The following TBC1D5 variants were observed in gnomAD, a reference collection of about 807,000 sequenced individuals.
TBC1D5 encodes TBC1 domain family, member 5.
TBC1D5 carries 75 observed loss-of-function variants against 100.3 expected under a neutral mutation model. The observed-to-expected ratio is 0.75, with a 90% CI of 0.62 to 0.91. The LOEUF is 0.91. Ranked by LOEUF, TBC1D5 falls within the 40% of genes least tolerant of loss-of-function variation. The probability of loss-of-function intolerance (pLI) is 0.00; values close to 1 mark genes in which losing one functional copy is unlikely to be tolerated. For synonymous variants in TBC1D5, 323 were observed against 325.6 expected, an observed-to-expected ratio of 0.99 and a Z score of 0.09; for missense variants, 910 against 942.4, an observed-to-expected ratio of 0.97 and a Z score of 0.45.
chr3:17,591,185 G>A lies in TBC1D5; in HGVS notation c.-36+32664C>T, dbSNP rs529010639. 4.7e-5 allele frequency among the ~76,000 whole-genome samples: 6 copies of A among 126,752 alleles called. 1 individual carries two copies. Among genetic ancestry groups the A allele is most frequent in the South Asian group, 5.5e-4 (2 of 3,664 alleles). The allele number at this position is 126,752 out of a possible 152,430, so 83.2% of individuals were successfully genotyped here. A position where few individuals can be genotyped will look rare whatever the true frequency, so the allele number is the denominator to read the frequency against. On this transcript the variant is annotated intron_variant, in intron 2 of 21. Coordinates refer to ENST00000253692, the Ensembl canonical transcript of TBC1D5. ...CAGGAGGCAGAGCTTGCAGTGAGCC[G>A]AGATTGCGCCACTGTACTCCAGACT...
intron 4 of TBC1D5, among the ~76,000 whole-genome samples, chr3:17,410,233 T>C (rs1559826818): frequency 6.6e-6 from 1 of 152,158 alleles, no homozygotes; most frequent in Non-Finnish European, 1.5e-5. Context: ...GATGATAGCA[T>C]ATCTGTTTGC....
intron 2 of TBC1D5, among the ~76,000 whole-genome samples, chr3:17,600,822 C>CG: frequency 6.6e-6 from 1 of 151,582 alleles, no homozygotes; most frequent in African/African-American, 2.4e-5. Context: ...ATTTGAAAGA[C>CG]CGGGCGGGGG....
intron 2 of TBC1D5, among the ~76,000 whole-genome samples, chr3:17,617,826 T>C (rs1294975342): frequency 1.3e-5 from 2 of 152,230 alleles, no homozygotes; most frequent in Non-Finnish European, 2.9e-5. Flanking sequence ...TTTAGCTTCC[T>C]TGCGATGTGT....
intron 16 of TBC1D5, among the ~76,000 whole-genome samples, chr3:17,241,127 T>C (rs973968719): frequency 3.3e-5 from 5 of 152,160 alleles, no homozygotes; most frequent in African/African-American, 1.2e-4. Flanking sequence ...TATAAGCAAT[T>C]GTAAGCCATA....
intron 13 of TBC1D5, among the ~76,000 whole-genome samples, chr3:17,335,193 T>A (rs2151252029): frequency 6.6e-6 from 1 of 152,222 alleles, no homozygotes; most frequent in Non-Finnish European, 1.5e-5. Context: ...TGACCCTAAC[T>A]AACAGGGGAA....
intron 18 of TBC1D5, among the ~76,000 whole-genome samples, chr3:17,208,411 T>C (rs1328633361): frequency 6.6e-6 from 1 of 152,258 alleles, no homozygotes; most frequent in East Asian, 1.9e-4. Context: ...AGAGAACTAG[T>C]CATATGATTC....
At chr3:17,452,078 T>C (rs2094941306) in intron 3 of TBC1D5, among the ~76,000 whole-genome samples, 1 of 152,126 alleles carries the variant, frequency 6.6e-6, no homozygotes. Context: ...ACAATCAGTG[T>C]TAAGTTGCTA....
intron 15 of TBC1D5, among the ~76,000 whole-genome samples, chr3:17,286,104 C>T (rs1270757436): frequency 6.6e-6 from 1 of 152,106 alleles, no homozygotes; most frequent in African/African-American, 2.4e-5. Flanking sequence ...AATACATGTA[C>T]TGTATTTCAT....
rs1231388843 is a variant in TBC1D5, at chr3:17,368,679, T to C, written c.995+3396A>G. Reference sequence around the variant, plus strand: ...TATAATTTCTAATATTTTACTTTTATTTTTTATTTTCTTTTTAAATTTTTC... The same window carrying C: ...TATAATTTCTAATATTTTACTTTTACTTTTTATTTTCTTTTTAAATTTTTC... On this transcript the variant is annotated intron_variant, in intron 13 of 21. Transcript: ENST00000253692. 3.3e-5 allele frequency among the ~76,000 whole-genome samples: 5 copies of C among 151,850 alleles called. No homozygotes were observed. In the East Asian group the frequency reaches 9.6e-4, roughly 29 times the overall value.
chr3:17,736,420 C>T (rs551756995), intron 1 of TBC1D5, among the ~76,000 whole-genome samples: 1 of 152,264 alleles, frequency 6.6e-6, no homozygotes, highest in South Asian at 2.1e-4. Context: ...CTTCCTAAGT[C>T]ACCCCATCTA....
intron 15 of TBC1D5, among the ~76,000 whole-genome samples, chr3:17,264,700 G>GT (rs1002216482): frequency 7.2e-5 from 11 of 152,300 alleles, no homozygotes; most frequent in African/African-American, 2.4e-4. Flanking sequence ...TGGAGCAACT[G>GT]TAATGAGTTA....
intron 1 of TBC1D5, among the ~76,000 whole-genome samples, chr3:17,715,155 A>G (rs1354452246): frequency 6.6e-6 from 1 of 152,252 alleles, no homozygotes; most frequent in Non-Finnish European, 1.5e-5. Context: ...GTCATACTGC[A>G]AATCTGTCAC....
intron 15 of TBC1D5, among the ~76,000 whole-genome samples, chr3:17,279,492 C>T (rs1308821358): frequency 2.6e-5 from 4 of 152,102 alleles, no homozygotes; most frequent in African/African-American, 9.7e-5. Context: ...TTTCTGTACA[C>T]TAAATAGTAA....
chr3:17,418,604 A>T (rs1165533179), intron 4 of TBC1D5, among the ~76,000 whole-genome samples: 1 of 152,070 alleles, frequency 6.6e-6, no homozygotes, highest in Non-Finnish European at 1.5e-5. Flanking sequence ...CATCTAATAA[A>T]AAAAAAAAAA....
chr3:17,577,406 A>G (rs1458720865), intron 2 of TBC1D5, among the ~76,000 whole-genome samples: 2 of 152,042 alleles, frequency 1.3e-5, no homozygotes, highest in Non-Finnish European at 2.9e-5. Flanking sequence ...GAATTACTGT[A>G]TCAGTGCAGA....
At chr3:17,337,212 T>C (rs1231327218) in intron 13 of TBC1D5, among the ~76,000 whole-genome samples, 3 of 150,600 alleles carry the variant, frequency 2.0e-5, no homozygotes, top group African/African-American at 7.4e-5. Flanking sequence ...TGATAATTTA[T>C]ATTTCTAATG....
At chr3:17,327,368 T>C (rs2086276060) in intron 13 of TBC1D5, among the ~76,000 whole-genome samples, 1 of 152,206 alleles carries the variant, frequency 6.6e-6, no homozygotes, top group Admixed American at 6.5e-5. Flanking sequence ...GTCCTCAAAG[T>C]TCTCTAATGG....
chr3:17,737,721 C>T (rs2077064715), intron 1 of TBC1D5, among the ~76,000 whole-genome samples: 2 of 151,592 alleles, frequency 1.3e-5, no homozygotes, highest in South Asian at 4.1e-4. Flanking sequence ...GCCTTCATCA[C>T]TAGCAAAAAA....
At chr3:17,657,756 G>A (rs1378192261) in intron 1 of TBC1D5, among the ~76,000 whole-genome samples, 1 of 152,110 alleles carries the variant, frequency 6.6e-6, no homozygotes, top group Non-Finnish European at 1.5e-5. Context: ...TTTCCTTCCT[G>A]TAGATTTTAA....
Sources: allele counts gnomAD v4.1 joint callset (sites outside exome capture counted in the v4.1 genomes callset), GRCh38; gene constraint gnomAD v4.1.1; transcripts MANE v1.5; gene names NCBI Gene and HGNC (gene_info 2026-07-23, HGNC 2026-07-21).